Variants in BCAS3 observed in about 807,000 individuals in gnomAD.
The protein encoded by BCAS3 is BCAS4/BCAS3 fusion.
A neutral mutation model predicts 116.1 loss-of-function variants in BCAS3; 53 were observed. The ratio of observed to expected loss-of-function variants is 0.46; its 90% confidence interval spans 0.37 to 0.57. The LOEUF (loss-of-function observed/expected upper bound fraction) is 0.57. Ranked by LOEUF, BCAS3 falls within the 20% of genes least tolerant of loss-of-function variation. The probability of loss-of-function intolerance (pLI) is 0.00; values close to 1 mark genes in which losing one functional copy is unlikely to be tolerated. For missense variants in BCAS3, 917 were observed against 1,165.4 expected (o/e 0.79, Z 3.10); for synonymous variants, 391 against 408.2 (o/e 0.96, Z 0.51).
chr17:61,041,188 A>G lies in BCAS3; in HGVS notation c.2029+296A>G, dbSNP rs1055306882. On this transcript the variant is annotated intron_variant, in intron 19 of 23. Transcript: ENST00000407086. The surrounding 1 kb of genome is among the most constrained non-coding windows in gnomAD (Gnocchi z 4.7). The stretch of plus-strand genomic sequence containing the variant: ...CAAACATAAAAACCACCACCTGAAA[A>G]TGCTAGGATATAATAAAAAGTTTCA... Among the ~76,000 whole-genome samples, 1 of 152,078 alleles carries G rather than the reference A, an allele frequency of 6.6e-6. No homozygotes were observed. The highest frequency in any genetic ancestry group is 1.5e-5 in the Non-Finnish European group (1 of 68,024).
rs147872688 is a variant in BCAS3, at chr17:61,339,063, C to G, written c.2426-29264C>G. ...AAAAAATTCACAAAGACCCATCTGC[C>G]TCTCCCATTTTCTCATGTTCTTTTG... On this transcript the variant is annotated intron_variant, in intron 22 of 23. Coordinates refer to ENST00000407086, the MANE Select transcript of BCAS3 (RefSeq NM_017679.5). The surrounding 1 kb of genome is among the most constrained non-coding windows in gnomAD (Gnocchi z 4.4). 8.5e-4 allele frequency among the ~76,000 whole-genome samples: 130 copies of G among 152,112 alleles called. No homozygotes were observed. Among genetic ancestry groups the G allele is most frequent in the African/African-American group, 3.0e-3 (123 of 41,516 alleles).
At chr17:61,062,887 G>A (rs2070213932) in intron 19 of BCAS3, among the ~76,000 whole-genome samples, 3 of 152,108 alleles carry the variant, frequency 2.0e-5, no homozygotes, top group Non-Finnish European at 4.4e-5. Flanking sequence ...AGGACTGTGA[G>A]GTAGATGCCT....
chr17:60,947,464 GCTGT>G, intron 14 of BCAS3, 112 bp downstream of exon 14: 1 of 1,222,040 alleles, frequency 8.2e-7, no homozygotes, highest in Non-Finnish European at 1.1e-6. Context: ...AGAAAATATT[GCTGT>G]CTGTGATAGA....
chr17:60,808,029 T>G lies in BCAS3; in HGVS notation c.429T>G (p.Ala143=). 1.9e-6 allele frequency: 3 copies of G among 1,609,662 alleles called. No homozygotes were observed. The highest frequency in any genetic ancestry group is 2.5e-6 in the Non-Finnish European group (3 of 1,177,608). ...GTGCTCAAAAATGTGATAACTTTGC[T>G]GAAAAAAGACCCCTCCTTGGTGTTT... is the stretch of plus-strand genomic sequence containing the variant. ...QFGAQKCDNF[A]EKRPLLGVCK... is the part of the protein sequence containing the mutation. Residue 143 remains alanine, a synonymous_variant, in exon 7 of 24, where the codon GCT becomes GCG. Coordinates refer to ENST00000407086, the MANE Select transcript of BCAS3 (RefSeq NM_017679.5).
At chr17:60,998,047 C>T (rs1340645091) in intron 15 of BCAS3, among the ~76,000 whole-genome samples, 3 of 152,134 alleles carry the variant, frequency 2.0e-5, no homozygotes, top group African/African-American at 7.2e-5. Flanking sequence ...ATCTTTGTGT[C>T]TGTATACACC....
chr17:60,869,368 G>A (rs1259617669), intron 8 of BCAS3, among the ~76,000 whole-genome samples: 5 of 152,090 alleles, frequency 3.3e-5, no homozygotes, highest in Non-Finnish European at 2.9e-5. Flanking sequence ...TAAATATCTT[G>A]ATCATTAGCT....
At chr17:61,025,204 A>G (rs566712695) in intron 16 of BCAS3, among the ~76,000 whole-genome samples, 257 of 152,200 alleles carry the variant, frequency 1.7e-3, no homozygotes, top group Non-Finnish European at 3.1e-3. Flanking sequence ...GTGTTTGTCA[A>G]ACTGCAAGCT....
chr17:60,685,422 C>G (rs1010937107), intron 3 of BCAS3, among the ~76,000 whole-genome samples: 1 of 148,238 alleles, frequency 6.7e-6, no homozygotes, highest in African/African-American at 2.5e-5. Context: ...TGCACTCCAG[C>G]CTGGGCAATA....
chr17:61,344,865 G>A lies in BCAS3; in HGVS notation c.2426-23462G>A, dbSNP rs1224028995. Among the ~76,000 whole-genome samples, 1 of 151,974 alleles carries A rather than the reference G, an allele frequency of 6.6e-6. No homozygotes were observed. The highest frequency in any genetic ancestry group is 1.5e-5 in the Non-Finnish European group (1 of 68,006). ...GGCGAGGAGTTGCAATGTCACTCCA[G>A]CCCCTTGTTTGCCACCATGGACAGG... On this transcript the variant is annotated intron_variant, in intron 22 of 23. Transcript: ENST00000407086. The surrounding 1 kb of genome is among the most constrained non-coding windows in gnomAD (Gnocchi z 4.1).
chr17:61,366,743 G>C lies in BCAS3; in HGVS notation c.2426-1584G>C, dbSNP rs542969492. Among the ~76,000 whole-genome samples, 133 of 152,314 alleles carry C rather than the reference G, an allele frequency of 8.7e-4. No homozygotes were observed. The highest frequency in any genetic ancestry group is 1.7e-3 in the Non-Finnish European group (115 of 68,028). On this transcript the variant is annotated intron_variant, in intron 22 of 23. Transcript: ENST00000407086. The surrounding 1 kb of genome is among the most constrained non-coding windows in gnomAD (Gnocchi z 4.5). ...AAGGTGGGCCTCTTCTTGGGGAGAT[G>C]CCCTTATAGATGCTGCCCATTCTCC... is the stretch of plus-strand genomic sequence containing the variant.
At chr17:61,133,784 C>G (rs1305628387) in intron 22 of BCAS3, among the ~76,000 whole-genome samples, 2 of 140,904 alleles carry the variant, frequency 1.4e-5, no homozygotes, top group South Asian at 4.6e-4. Context: ...TAGGTTATTT[C>G]CTTAGCCTCC....
chr17:61,040,909 T>C lies in BCAS3; in HGVS notation c.2029+17T>C. The C allele has an allele frequency of 6.3e-7, 1 of 1,597,402 alleles. No homozygotes were observed. Among genetic ancestry groups the C allele is most frequent in the Non-Finnish European group, 8.6e-7 (1 of 1,165,668 alleles). ...TTGCTGGCCGTAAGTAGTTCAGATT[T>C]TTTTTTTCCTTTCGTATGGTCTATT... On this transcript the variant is annotated intron_variant, in intron 19 of 23. Transcript: ENST00000407086.
rs552160935 is a variant in BCAS3 at position 61,376,336 on chromosome 17, C to T, written c.2593+7842C>T. ...GAAGATGCTGCCTTCACAGGGCCAT[C>T]GTGGCTCATAGCCCCATAGGTCACA... On this transcript the variant is annotated intron_variant, in intron 23 of 23. Coordinates refer to ENST00000407086, the MANE Select transcript of BCAS3 (RefSeq NM_017679.5). The surrounding 1 kb of genome is among the most constrained non-coding windows in gnomAD (Gnocchi z 4.5). Among the ~76,000 whole-genome samples the T allele has an allele frequency of 2.0e-5, 3 of 152,284 alleles. No homozygotes were observed. In the East Asian group the frequency reaches 5.8e-4, roughly 29 times the overall value.
At chr17:61,123,707 G>A (rs367639545) in intron 22 of BCAS3, among the ~76,000 whole-genome samples, 3 of 151,832 alleles carry the variant, frequency 2.0e-5, no homozygotes, top group East Asian at 1.9e-4. Flanking sequence ...AAAGTGATCC[G>A]TAATCTGCCC....
At chr17:61,357,351 G>C (rs1315435826) in intron 22 of BCAS3, among the ~76,000 whole-genome samples, 1 of 150,024 alleles carries the variant, frequency 6.7e-6, no homozygotes, top group Non-Finnish European at 1.5e-5. Flanking sequence ...GATTGCTTCA[G>C]CCCAAGAGTT....
intron 6 of BCAS3, among the ~76,000 whole-genome samples, chr17:60,768,047 T>C (rs1275216483): frequency 1.3e-5 from 2 of 152,222 alleles, no homozygotes; most frequent in Non-Finnish European, 2.9e-5. Flanking sequence ...CAATCCTGTC[T>C]CAGCCTTCCA....
At chr17:61,231,491 A>G (rs553914917) in intron 22 of BCAS3, among the ~76,000 whole-genome samples, 1 of 152,298 alleles carries the variant, frequency 6.6e-6, no homozygotes, top group Non-Finnish European at 1.5e-5. Flanking sequence ...CATGAAGTAC[A>G]AAGCTGTTTT....
rs932072927 is a variant in BCAS3, at chr17:61,379,547, G to A, written c.2593+11053G>A. ...TTCCCTAGTAGAAGAAGGCATTTTG[G>A]AGCCCATCCCGGAAACAGCTTTCCA... On this transcript the variant is annotated intron_variant, in intron 23 of 23. Coordinates refer to ENST00000407086, the MANE Select transcript of BCAS3 (RefSeq NM_017679.5). This position sits in a 1 kb window ranked among gnomAD's most constrained non-coding sequence, Gnocchi z 5.5. The A allele has an allele frequency of 2.0e-4, 30 of 152,164 alleles. No individual in the cohort carries two copies. Among genetic ancestry groups the A allele is most frequent in the African/African-American group, 6.3e-4 (26 of 41,432 alleles). 9.4% of individuals were successfully genotyped at this position (152,164 alleles called of 1,614,324 possible).
At position 61,349,564 on chromosome 17, in the gene BCAS3, T is replaced by C. The variant is rs73993468; in HGVS notation, c.2426-18763T>C. Among the ~76,000 whole-genome samples the C allele has an allele frequency of 0.027, 4,087 of 152,250 alleles. 190 individuals carry two copies. Among genetic ancestry groups the C allele is most frequent in the African/African-American group, 0.094 (3,905 of 41,522 alleles). ...CCTCACTGCCCCCTGGTGTAGACAG[T>C]CTGATTGCCTACTCCATTTTGTGGA... On this transcript the variant is annotated intron_variant, in intron 22 of 23. Coordinates refer to ENST00000407086, the MANE Select transcript of BCAS3 (RefSeq NM_017679.5). The surrounding 1 kb of genome is among the most constrained non-coding windows in gnomAD (Gnocchi z 4.7).
Sources: allele counts gnomAD v4.1 joint callset (sites outside exome capture counted in the v4.1 genomes callset), GRCh38; gene constraint gnomAD v4.1.1; non-coding constraint Gnocchi (gnomAD v3.1); transcripts MANE v1.5; gene names NCBI Gene and HGNC (gene_info 2026-07-23, HGNC 2026-07-21).